The following ITGA8 variants were observed in gnomAD, a reference collection of about 807,000 sequenced individuals.
ITGA8 encodes the protein integrin subunit alpha 8, also known as integrin alpha-8.
In ITGA8, 91 loss-of-function variants were observed where a neutral mutation model predicts 142.3. The observed-to-expected ratio is 0.64, with a 90% CI of 0.54 to 0.76. ITGA8 has a LOEUF of 0.76. ITGA8 is among the 30% of genes least tolerant of loss of function. The pLI is 0.00. For missense variants in ITGA8, 1,406 were observed against 1,327.7 expected, an observed-to-expected ratio of 1.06 and a Z score of -0.92; for synonymous variants, 505 against 485.2, an observed-to-expected ratio of 1.04 and a Z score of -0.54.
chr10:15,573,153 T>C (rs1429470787), intron 24 of ITGA8, among the ~76,000 whole-genome samples: 1 of 152,080 alleles, frequency 6.6e-6, no homozygotes, highest in Non-Finnish European at 1.5e-5. Context: ...AGATGGCCTA[T>C]TTAATTCACC....
chr10:15,553,925 G>A (rs200349330), intron 26 of ITGA8, among the ~76,000 whole-genome samples: 8 of 152,104 alleles, frequency 5.3e-5, no homozygotes, highest in Non-Finnish European at 7.4e-5. Context: ...CCCAGGAGGC[G>A]GAGGTTGCAG....
At chr10:15,690,848 C>A (rs955236769) in intron 2 of ITGA8, among the ~76,000 whole-genome samples, 1 of 151,976 alleles carries the variant, frequency 6.6e-6, no homozygotes, top group African/African-American at 2.4e-5. Flanking sequence ...CCAATGCACG[C>A]TACCCAACCA....
chr10:15,521,327 T>C (rs895926704), intron 28 of ITGA8, among the ~76,000 whole-genome samples: 1 of 152,090 alleles, frequency 6.6e-6, no homozygotes, highest in African/African-American at 2.4e-5. Flanking sequence ...CCCAGATGCT[T>C]CTGTCTTCTT....
intron 25 of ITGA8, among the ~76,000 whole-genome samples, chr10:15,563,155 G>C (rs1282477504): frequency 6.7e-6 from 1 of 149,238 alleles, no homozygotes; most frequent in Admixed American, 6.7e-5. Context: ...CCTCCCAGAA[G>C]CCAAGCAGTT....
intron 23 of ITGA8, among the ~76,000 whole-genome samples, chr10:15,579,001 A>G (rs1013717430): frequency 6.6e-6 from 1 of 152,118 alleles, no homozygotes; most frequent in African/African-American, 2.4e-5. Flanking sequence ...TTTAATTATA[A>G]AAAACAGTAG....
At chr10:15,669,154 A>G (rs1358694385) in intron 8 of ITGA8, among the ~76,000 whole-genome samples, 2 of 152,208 alleles carry the variant, frequency 1.3e-5, no homozygotes, top group Non-Finnish European at 2.9e-5. Context: ...TTTCAGGCAC[A>G]CCAATCAGAT....
intron 4 of ITGA8, among the ~76,000 whole-genome samples, chr10:15,680,604 GT>G (rs1834719796): frequency 6.6e-6 from 1 of 151,848 alleles, no homozygotes; most frequent in Non-Finnish European, 1.5e-5. Flanking sequence ...GTTCATATGT[GT>G]TTTTATATTT....
intron 22 of ITGA8, among the ~76,000 whole-genome samples, chr10:15,591,529 G>A (rs1832922480): frequency 6.6e-6 from 1 of 151,698 alleles, no homozygotes; most frequent in African/African-American, 2.4e-5. Flanking sequence ...ATGGGTTTAA[G>A]TTCACAGCTG....
intron 6 of ITGA8, among the ~76,000 whole-genome samples, chr10:15,676,114 C>T (rs1167769689): frequency 1.3e-5 from 2 of 152,166 alleles, no homozygotes; most frequent in Non-Finnish European, 2.9e-5. Flanking sequence ...CCCTCACTCT[C>T]TTAACTCCGG....
At chr10:15,630,876 G>A (rs1421657526) in intron 13 of ITGA8, among the ~76,000 whole-genome samples, 1 of 151,972 alleles carries the variant, frequency 6.6e-6, no homozygotes, top group Non-Finnish European at 1.5e-5. Flanking sequence ...ACTGGCAACA[G>A]ATGGTATCTC....
intron 21 of ITGA8, chr10:15,596,752 G>A (rs1057969): frequency 0.4 from 62,309 of 156,548 alleles, 12,688 homozygotes; most frequent in South Asian, 0.57. Flanking sequence ...ATGCAAATAC[G>A]TACCTGAATC....
chr10:15,711,158 T>C (rs1465565608), intron 2 of ITGA8, among the ~76,000 whole-genome samples: 4 of 152,222 alleles, frequency 2.6e-5, no homozygotes, highest in Non-Finnish European at 5.9e-5. Flanking sequence ...CAACATTTCA[T>C]TGCATAGATA....
intron 13 of ITGA8, among the ~76,000 whole-genome samples, chr10:15,641,572 T>C (rs924311015): frequency 6.6e-6 from 1 of 152,144 alleles, no homozygotes; most frequent in South Asian, 2.1e-4. Context: ...GATATCCATA[T>C]TCCTATTTGA....
At chr10:15,700,246 G>T (rs1367092967) in intron 2 of ITGA8, among the ~76,000 whole-genome samples, 1 of 152,110 alleles carries the variant, frequency 6.6e-6, no homozygotes. Context: ...GTGATTTATA[G>T]TTCCACCTCT....
At chr10:15,632,246 C>A (rs540762976) in intron 13 of ITGA8, among the ~76,000 whole-genome samples, 1 of 150,624 alleles carries the variant, frequency 6.6e-6, no homozygotes, top group East Asian at 1.9e-4. Flanking sequence ...TCCACTTTTT[C>A]AATAGGATTG....
At chr10:15,563,843 G>A (rs780709651) in intron 25 of ITGA8, among the ~76,000 whole-genome samples, 62 of 152,106 alleles carry the variant, frequency 4.1e-4, no homozygotes, top group Non-Finnish European at 6.9e-4. Flanking sequence ...CTTGAACCTC[G>A]GAGGCAGAGG....
intron 26 of ITGA8, among the ~76,000 whole-genome samples, chr10:15,555,026 T>C (rs1833863977): frequency 6.6e-6 from 1 of 152,226 alleles, no homozygotes; most frequent in African/African-American, 2.4e-5. Flanking sequence ...CTGATTTCCT[T>C]TCTTCAGTGA....
Position 15,603,090 on chromosome 10 carries a change from T to A in ITGA8, c.2118+1118A>T, listed in dbSNP as rs1208943500. ...GATACTCAAGGATTTTAAATGACTG[T>A]TAAAGATGCTCTATCATTACCCATC... On this transcript the variant is annotated intron_variant, in intron 20 of 29. Coordinates refer to ENST00000378076, the MANE Select transcript of ITGA8 (RefSeq NM_003638.3). Among the ~76,000 whole-genome samples, 12 of 152,166 alleles carry A rather than the reference T, an allele frequency of 7.9e-5. No homozygotes were observed. The East Asian group carries it at 2.3e-3, about 29-fold the overall frequency.
Position 15,719,623 on chromosome 10 carries a change from C to A in ITGA8, c.149G>T (p.Ser50Ile). The A allele has an allele frequency of 6.4e-7, 1 of 1,552,256 alleles. No individual in the cohort carries two copies. Among genetic ancestry groups the A allele is most frequent in the Non-Finnish European group, 8.6e-7 (1 of 1,157,994 alleles). Residue 50 changes from serine to isoleucine, a missense_variant, in exon 1 of 30, where the codon AGC becomes ATC. By Grantham distance (142) the Ser-to-Ile change is moderately radical (BLOSUM62 -2). Transcript: ENST00000378076. ...NLDVEKLTVYSGPKGSYFGYA... is the reference protein window; with the variant it reads ...NLDVEKLTVYIGPKGSYFGYA... Reference sequence around the variant, plus strand: ...GCCGAAGTAGCTGCCCTTGGGGCCGCTGTACACTGTGAGCTTTTCCACGTC... The same window carrying A: ...GCCGAAGTAGCTGCCCTTGGGGCCGATGTACACTGTGAGCTTTTCCACGTC...
Sources: gnomAD v4.1 joint callset for allele counts (sites outside exome capture counted in the v4.1 genomes callset) on GRCh38, gnomAD v4.1.1 for gene constraint, MANE v1.5 for transcripts, NCBI Gene and HGNC (gene_info 2026-07-23, HGNC 2026-07-21) for gene names.